Variants in LTN1 observed in about 807,000 individuals in gnomAD.
LTN1 encodes listerin E3 ubiquitin protein ligase 1, also known as E3 ubiquitin-protein ligase listerin.
Under a neutral mutation model 201.2 loss-of-function variants are expected in LTN1, and 88 were observed. The observed-to-expected ratio is 0.44, with a 90% CI of 0.37 to 0.52. The LOEUF is 0.52. Among genes scored for constraint, LTN1 ranks in the 20% least tolerant of loss-of-function variants. The pLI is 0.00. For synonymous variants in LTN1, 645 were observed against 713.5 expected (o/e 0.90, Z 1.53); for missense variants, 1,752 against 2,038.7 (o/e 0.86, Z 2.71).
In LTN1 at chr21:28,956,873, C is replaced by G; in HGVS notation, c.2968G>C (p.Asp990His). Residue 990 changes from aspartate (D) to histidine (H), a missense_variant, in exon 16 of 30, where the codon GAC becomes CAC. Physicochemically the swap from Asp to His is moderately conservative, Grantham distance 81. Transcript: ENST00000361371. The stretch of plus-strand genomic sequence containing the variant: ...AAATGGCTGGGAAGTGTCTTTATGT[C>G]CTGTTCCTTAAAATCTGTTTTGAAA... ...ECFKTDFKEQ[D>H]IKTLPSHLCT... 1 of 1,611,618 alleles carries G rather than the reference C, an allele frequency of 6.2e-7. No homozygotes were observed. Among genetic ancestry groups the G allele is most frequent in the Non-Finnish European group, 8.5e-7 (1 of 1,178,418 alleles).
chr21:28,966,794 C>T lies in LTN1; in HGVS notation c.1697G>A (p.Trp566Ter). Residue 566 changes from tryptophan (W) to a stop codon, truncating the protein, a stop_gained, in exon 10 of 30, where the codon TGG becomes TAG. Transcript: ENST00000361371. LOFTEE classifies it high-confidence loss of function. Reference sequence around the variant, plus strand: ...GAGAGAAGGTTCAGTTGTTAATTCCCAGCCTTCAATCTTCTCTCCTTCTGA... The same window carrying T: ...GAGAGAAGGTTCAGTTGTTAATTCCTAGCCTTCAATCTTCTCTCCTTCTGA... ...VSSEGEKIEG[W>*]ELTTEPSLTH... 4 of 1,613,554 alleles carry T rather than the reference C, an allele frequency of 2.5e-6. No individual in the cohort carries two copies. Among genetic ancestry groups the T allele is most frequent in the Non-Finnish European group, 3.4e-6 (4 of 1,179,884 alleles).
intron 6 of LTN1, among the ~76,000 whole-genome samples, chr21:28,974,646 A>G (rs939371057): frequency 5.3e-5 from 8 of 152,356 alleles, no homozygotes; most frequent in Middle Eastern, 3.4e-3. Context: ...GAACCAGGAA[A>G]GAAGGCCAGG....
In LTN1 at chr21:28,933,904, G is replaced by A. The variant is rs936501028; in HGVS notation, c.4875+1205C>T. On this transcript the variant is annotated intron_variant, in intron 27 of 29. Transcript: ENST00000361371. ...TTGGCCAGGCTGGTCTTGAGCTCCC[G>A]AGCTCAGGTGGTCTGCCCGCCTCGG... Among the ~76,000 whole-genome samples, 8 of 152,202 alleles carry A rather than the reference G, an allele frequency of 5.3e-5. No homozygotes were observed. The East Asian group carries it at 9.7e-4, about 18-fold the overall frequency.
chr21:28,942,295 T>C (rs1469872818), intron 24 of LTN1, among the ~76,000 whole-genome samples: 1 of 152,214 alleles, frequency 6.6e-6, no homozygotes, highest in African/African-American at 2.4e-5. Context: ...TTGCCCTCCA[T>C]GCATTGTTAT....
chr21:28,958,896 G>C (rs2084449426), intron 13 of LTN1, among the ~76,000 whole-genome samples: 2 of 150,884 alleles, frequency 1.3e-5, no homozygotes, highest in East Asian at 1.9e-4. Context: ...GCCAATGATG[G>C]GCAGAAAAAA....
chr21:28,992,406 T>G (rs2084754067), intron 1 of LTN1, among the ~76,000 whole-genome samples: 3 of 152,088 alleles, frequency 2.0e-5, no homozygotes, highest in Admixed American at 6.6e-5. Flanking sequence ...TGGATTCACT[T>G]TAACATTCTC....
At chr21:28,983,247 T>G (rs892422098) in intron 4 of LTN1, among the ~76,000 whole-genome samples, 2 of 152,208 alleles carry the variant, frequency 1.3e-5, no homozygotes, top group Non-Finnish European at 2.9e-5. Context: ...CAATGTTCAA[T>G]GATTAGTTAT....
intron 24 of LTN1, among the ~76,000 whole-genome samples, 172 bp downstream of exon 24, chr21:28,943,090 A>C (rs1199910826): frequency 6.6e-6 from 1 of 152,196 alleles, no homozygotes; most frequent in Non-Finnish European, 1.5e-5. Flanking sequence ...AGAGTGACAC[A>C]ATCTTTTGGG....
chr21:28,959,529 G>A lies in LTN1; in HGVS notation c.2522C>T (p.Pro841Leu), dbSNP rs755099346. 1.2e-6 allele frequency: 2 copies of A among 1,613,796 alleles called. No individual in the cohort carries two copies. The highest frequency in any genetic ancestry group is 2.7e-5 in the African/African-American group (2 of 74,906). The change falls in exon 13 of 30, where the codon CCA (proline) becomes CTA (leucine). Residue 841 changes from proline (P) to leucine (L), a missense_variant. Pro to Leu is a moderately conservative substitution (Grantham distance 98). This residue lies in a region of LTN1 where 1,211 missense variants were observed against 1,312.8 expected (regional missense o/e 0.92). Coordinates refer to ENST00000361371, the MANE Select transcript of LTN1 (RefSeq NM_015565.3). Reference protein sequence around the residue: ...FSSAKGCLLMPSSEDLLLTLF... With the variant: ...FSSAKGCLLMLSSEDLLLTLF... The stretch of plus-strand genomic sequence containing the variant: ...AGTTAATAATAAATCTTCAGATGAT[G>A]GCATTAGCAAGCATCCTTTCGCTGA...
At chr21:28,991,904 C>T (rs2084749296) in intron 1 of LTN1, among the ~76,000 whole-genome samples, 1 of 152,198 alleles carries the variant, frequency 6.6e-6, no homozygotes, top group African/African-American at 2.4e-5. Context: ...CATTACAAAA[C>T]CCCTCATCGT....
At chr21:28,932,177 T>C (rs1043905568) in intron 28 of LTN1, among the ~76,000 whole-genome samples, 3 of 152,212 alleles carry the variant, frequency 2.0e-5, no homozygotes, top group Non-Finnish European at 4.4e-5. Context: ...GGCATTCATC[T>C]GTCCAGTATC....
intron 27 of LTN1, among the ~76,000 whole-genome samples, chr21:28,933,281 C>A (rs187708282): frequency 6.6e-6 from 1 of 152,126 alleles, no homozygotes; most frequent in African/African-American, 2.4e-5. Context: ...TCTCACATCC[C>A]TACTTTTATA....
intron 18 of LTN1, among the ~76,000 whole-genome samples, chr21:28,949,586 G>C (rs2084367047): frequency 6.6e-6 from 1 of 152,122 alleles, no homozygotes; most frequent in Non-Finnish European, 1.5e-5. Flanking sequence ...AGGAATCATA[G>C]AGTATCTGTC....
chr21:28,964,183 G>A (rs2084502198), intron 11 of LTN1, among the ~76,000 whole-genome samples: 2 of 152,300 alleles, frequency 1.3e-5, no homozygotes, highest in South Asian at 4.1e-4. Flanking sequence ...TCTTCTTTGG[G>A]TAAAATGCTA....
At chr21:28,933,973 G>T (rs1397219192) in intron 27 of LTN1, among the ~76,000 whole-genome samples, 1 of 152,082 alleles carries the variant, frequency 6.6e-6, no homozygotes, top group East Asian at 1.9e-4. Flanking sequence ...ACCACACTCG[G>T]CCTATTTTCT....
At chr21:28,943,160 A>C in intron 24 of LTN1, 102 bp downstream of exon 24, 1 of 624,848 alleles carries the variant, frequency 1.6e-6, no homozygotes, top group Admixed American at 3.1e-5. Flanking sequence ...TGTAGAATGA[A>C]TATAACTCTA....
At chr21:28,938,286 T>C (rs576740341) in intron 25 of LTN1, among the ~76,000 whole-genome samples, 1 of 152,328 alleles carries the variant, frequency 6.6e-6, no homozygotes, top group Non-Finnish European at 1.5e-5. Flanking sequence ...AGGAGATATA[T>C]GCTTAAATAC....
chr21:28,986,728 T>C lies in LTN1; in HGVS notation c.246+3A>G. The C allele has an allele frequency of 6.2e-7, 1 of 1,603,924 alleles. No individual in the cohort carries two copies. The highest frequency in any genetic ancestry group is 8.5e-7 in the Non-Finnish European group (1 of 1,174,562). ...TAATTTTTATGAAAACAAGAAAACT[T>C]GCTTTTAATTTTGTGGTGACATCTT... On this transcript the variant is annotated splice_donor_region_variant and intron_variant, in intron 2 of 29. Coordinates refer to ENST00000361371, the MANE Select transcript of LTN1 (RefSeq NM_015565.3). This position sits in a 1 kb window ranked among gnomAD's most constrained non-coding sequence, Gnocchi z 4.1.
At chr21:28,985,728 T>C (rs1405621051) in intron 3 of LTN1, among the ~76,000 whole-genome samples, 4 of 151,774 alleles carry the variant, frequency 2.6e-5, no homozygotes, top group Non-Finnish European at 4.4e-5. Context: ...GGTGCAATCT[T>C]GGCTCACTGC....
Sources: allele counts gnomAD v4.1 joint callset (sites outside exome capture counted in the v4.1 genomes callset), GRCh38; gene constraint gnomAD v4.1.1; regional missense constraint gnomAD v4.1.1; non-coding constraint Gnocchi (gnomAD v3.1); transcripts MANE v1.5; gene names NCBI Gene and HGNC (gene_info 2026-07-23, HGNC 2026-07-21).